TTLL10: variants seen among roughly 807,000 people sequenced by gnomAD.
The protein encoded by TTLL10 is inactive polyglycylase TTLL10.
A neutral mutation model predicts 69.0 loss-of-function variants in TTLL10; 61 were observed. The observed-to-expected ratio is 0.88, with a 90% confidence interval of 0.72 to 1.09. The LOEUF (loss-of-function observed/expected upper bound fraction) is 1.09, where lower values mean the gene tolerates loss of function less well. Ranked by LOEUF, TTLL10 falls within the 50% of genes least tolerant of loss-of-function variation. The probability of loss-of-function intolerance (pLI) is 0.00; values close to 1 mark genes in which losing one functional copy is unlikely to be tolerated. For synonymous variants in TTLL10, 408 were observed against 393.3 expected, an observed-to-expected ratio of 1.04 and a Z score of -0.44; for missense variants, 962 against 945.9, an observed-to-expected ratio of 1.02 and a Z score of -0.22.
chr1:1,177,285 C>CGT (rs771740834), intron 3 of TTLL10, among the ~76,000 whole-genome samples: 2 of 147,756 alleles, frequency 1.4e-5, no homozygotes, highest in African/African-American at 2.5e-5. Flanking sequence ...TGTGTCTGTG[C>CGT]GTGTGTGTGT....
chr1:1,175,918 C>G (rs1405540346), intron 3 of TTLL10: 1 of 419,394 alleles, frequency 2.4e-6, no homozygotes, highest in Non-Finnish European at 4.7e-6. Flanking sequence ...GCTGCTGCTC[C>G]CAGCCGCTGT....
At chr1:1,178,908 G>A (rs544892451) in intron 3 of TTLL10, among the ~76,000 whole-genome samples, 168 of 152,282 alleles carry the variant, frequency 1.1e-3, no homozygotes, top group Admixed American at 8.0e-3. Flanking sequence ...CCTTCCAGCC[G>A]GCACCCAGGC....
chr1:1,193,967 G>C lies in TTLL10; in HGVS notation c.1402-2633G>C, dbSNP rs181225639. Among the ~76,000 whole-genome samples, 635 of 150,202 alleles carry C rather than the reference G, an allele frequency of 4.2e-3. 7 individuals carry two copies. The highest frequency in any genetic ancestry group is 0.015 in the African/African-American group (597 of 40,088). On this transcript the variant is annotated intron_variant, in intron 13 of 15. Transcript: ENST00000379289. ...GAGGCCAGGCATTTGAAAGCAGCCT[G>C]GGCAACATAGTGAGACCCCATCTCT...
chr1:1,184,159 C>CTA, intron 12 of TTLL10, 68 bp downstream of exon 12: 1 of 1,595,088 alleles, frequency 6.3e-7, no homozygotes, highest in Non-Finnish European at 8.6e-7. Context: ...GTTCTCACTG[C>CTA]TAGGGGGTGC....
chr1:1,176,518 CCACCTCCA>C, intron 3 of TTLL10: 2 of 399,054 alleles, frequency 5.0e-6, no homozygotes, highest in Admixed American at 5.1e-5. Context: ...TCACCTTTTC[CCACCTCCA>C]CACCTTTTCC....
At chr1:1,179,161 G>A in intron 3 of TTLL10, 28 bp from the exon 4 acceptor site, 1 of 1,429,914 alleles carries the variant, frequency 7.0e-7, no homozygotes, top group Non-Finnish European at 9.4e-7. Flanking sequence ...GGTCCCACAG[G>A]AGGGTCAGAG....
intron 8 of TTLL10, 71 bp downstream of exon 8, chr1:1,180,931 A>ACCCGCCCCACCCCTGCCCCTGCG: frequency 1.6e-6 from 2 of 1,287,536 alleles, no homozygotes; most frequent in Non-Finnish European, 2.0e-6. Flanking sequence ...CTGCCCCTGC[A>ACCCGCCCCACCCCTGCCCCTGCG]CCCGCCCCAC....
intron 13 of TTLL10, 140 bp from the exon 14 acceptor site, chr1:1,196,460 C>T (rs764021314): frequency 1.1e-5 from 7 of 655,018 alleles, no homozygotes; most frequent in South Asian, 5.2e-5. Context: ...GCTGAGTGCA[C>T]GAACGTGTGG....
Position 1,197,829 on chromosome 1 carries a change from T to C in TTLL10, c.2004T>C (p.Pro668=), listed in dbSNP as rs1250907281. The C allele has an allele frequency of 6.7e-7, 1 of 1,500,710 alleles. No homozygotes were observed. Among genetic ancestry groups the C allele is most frequent in the East Asian group, 2.6e-5 (1 of 38,598 alleles). The allele number at this position is 1,500,710 out of a possible 1,614,324, so 93.0% of individuals were successfully genotyped here. A position where few individuals can be genotyped will look rare whatever the true frequency, so the allele number is the denominator to read the frequency against. The part of the protein sequence containing the change: ...PGTAKEEREE[P]ENARP ...CAGCCAAGGAGGAACGCGAGGAGCC[T>C]GAGAACGCGAGGCCCTAGGGGCAGC... is the stretch of plus-strand genomic sequence containing the variant. The change falls in exon 16 of 16, where the codon CCT becomes CCC. Residue 668 remains proline (P), a synonymous_variant. Coordinates refer to ENST00000379289, the MANE Select transcript of TTLL10 (RefSeq NM_001130045.2).
rs137938349 is a variant in TTLL10 at position 1,180,809 on chromosome 1, G to A, written c.704G>A (p.Arg235Gln). 2,316 of 1,601,012 alleles carry A rather than the reference G, an allele frequency of 1.4e-3. 25 individuals carry two copies. The African/African-American group carries it at 0.025, about 17-fold the overall frequency. Residue 235 changes from arginine to glutamine, a missense_variant, in exon 8 of 16, where the codon CGG (arginine) becomes CAG (glutamine). Physicochemically the swap from Arg to Gln is conservative, Grantham distance 43. Coordinates refer to ENST00000379289, the MANE Select transcript of TTLL10 (RefSeq NM_001130045.2). Reference sequence around the variant, plus strand: ...GGGCTGCTCAGCACCCTTCGGGGACGGGCACGGGCCATGAGCAAGGCCAGC... The same window carrying A: ...GGGCTGCTCAGCACCCTTCGGGGACAGGCACGGGCCATGAGCAAGGCCAGC... ...KIGLLSTLRG[R>Q]ARAMSKASKV...
chr1:1,185,439 C>T lies in TTLL10; in HGVS notation c.1401+330C>T. 8.9e-7 allele frequency: 1 copy of T among 1,127,016 alleles called. No individual in the cohort carries two copies. The highest frequency in any genetic ancestry group is 1.1e-6 in the Non-Finnish European group (1 of 920,162). 69.8% of individuals were successfully genotyped at this position (1,127,016 alleles called of 1,614,324 possible). A position where few individuals can be genotyped will look rare whatever the true frequency, so the allele number is the denominator to read the frequency against. On this transcript the variant is annotated intron_variant, in intron 13 of 15. Transcript: ENST00000379289. This position sits in a 1 kb window ranked among gnomAD's most constrained non-coding sequence, Gnocchi z 6.1. ...GAGTCTTTGTTCCTTTCAGATCCTC[C>T]ACTTGGCAGGCAGGGCCAACAGCAG... is the stretch of plus-strand genomic sequence containing the variant.
In TTLL10 at chr1:1,180,526, G is replaced by C. The variant is rs758281020; in HGVS notation, c.550G>C (p.Asp184His). Reference protein sequence around the residue: ...CKSKGWQRIHDSRRDDYTLKW... With the variant: ...CKSKGWQRIHHSRRDDYTLKW... The stretch of plus-strand genomic sequence containing the variant: ...AAGCAAGGGCTGGCAGCGCATCCAT[G>C]ACAGCCGCCGGGACGACTACACGCT... The change falls in exon 7 of 16, where the codon GAC becomes CAC. Residue 184 changes from aspartate (D) to histidine (H), a missense_variant. Asp to His is a moderately conservative substitution (Grantham distance 81, BLOSUM62 -1). Coordinates refer to ENST00000379289, the MANE Select transcript of TTLL10 (RefSeq NM_001130045.2). The C allele has an allele frequency of 1.5e-5, 23 of 1,552,888 alleles. No homozygotes were observed. In the South Asian group the frequency reaches 2.5e-4, roughly 17 times the overall value.
In TTLL10 at chr1:1,185,730, C is replaced by G; in HGVS notation, c.1401+621C>G. On this transcript the variant is annotated intron_variant, in intron 13 of 15. Coordinates refer to ENST00000379289, the MANE Select transcript of TTLL10 (RefSeq NM_001130045.2). This position sits in a 1 kb window ranked among gnomAD's most constrained non-coding sequence, Gnocchi z 6.1. ...CCGGAAGCAGCAGCCAGGGATGGTC[C>G]TTCCTCACCCACAGGCGTGTGTCAC... The G allele has an allele frequency of 1.0e-6, 1 of 985,530 alleles. No homozygotes were observed. The highest frequency in any genetic ancestry group is 1.2e-6 in the Non-Finnish European group (1 of 829,994). 61.0% of individuals were successfully genotyped at this position (985,530 alleles called of 1,614,324 possible).
At position 1,182,988 on chromosome 1, in the gene TTLL10, G is replaced by A. The variant is rs1647123339; in HGVS notation, c.1029G>A (p.Glu343=). Residue 343 remains glutamate, a synonymous_variant, in exon 11 of 16, where the codon GAG becomes GAA. Transcript: ENST00000379289. ...AALQAKTRSM[E]DDPIHHKTPF... is the part of the protein sequence containing the mutation. ...TGCAGGCCAAGACCCGGAGCATGGA[G>A]GACGACCCCATCCACCACAAGACGC... 6.2e-7 allele frequency: 1 copy of A among 1,609,794 alleles called. No individual in the cohort carries two copies. Among genetic ancestry groups the A allele is most frequent in the Non-Finnish European group, 8.5e-7 (1 of 1,178,588 alleles).
chr1:1,176,622 C>A (rs563491065), intron 3 of TTLL10, among the ~76,000 whole-genome samples: 62 of 152,304 alleles, frequency 4.1e-4, no homozygotes, highest in African/African-American at 1.4e-3. Context: ...CTGTGTGTCC[C>A]CAGGAAGGCT....
chr1:1,178,127 A>G (rs1394344161), intron 3 of TTLL10, among the ~76,000 whole-genome samples: 2 of 152,028 alleles, frequency 1.3e-5, no homozygotes, highest in South Asian at 2.1e-4. Flanking sequence ...CCTGCGGGTG[A>G]GATTGGTGCC....
At chr1:1,191,426 T>A (rs112531984) in intron 13 of TTLL10, among the ~76,000 whole-genome samples, 1,558 of 152,172 alleles carry the variant, frequency 0.01, 28 homozygotes, top group African/African-American at 0.033. Flanking sequence ...ACCCCATCTT[T>A]AAAAAAACAA....
In TTLL10 at chr1:1,185,387, C is replaced by T. The variant is rs993710139; in HGVS notation, c.1401+278C>T. ...CTCGCCGTAGGGTCAGGGGACAGCT[C>T]GGCTTCAGTGACAGCCACCATGTGA... On this transcript the variant is annotated intron_variant, in intron 13 of 15. Coordinates refer to ENST00000379289, the MANE Select transcript of TTLL10 (RefSeq NM_001130045.2). The surrounding 1 kb of genome is among the most constrained non-coding windows in gnomAD (Gnocchi z 6.1). 26 of 1,290,022 alleles carry T rather than the reference C, an allele frequency of 2.0e-5. No homozygotes were observed. The highest frequency in any genetic ancestry group is 6.6e-5 in the South Asian group (3 of 45,122). 79.9% of individuals were successfully genotyped at this position (1,290,022 alleles called of 1,614,324 possible).
At chr1:1,179,869 G>A in intron 5 of TTLL10, 132 bp downstream of exon 5, 1 of 1,441,094 alleles carries the variant, frequency 6.9e-7, no homozygotes, top group East Asian at 2.5e-5. Flanking sequence ...CAGTCCCCAG[G>A]CCGCCTGGTG....
Sources: gnomAD v4.1 joint callset for allele counts (sites outside exome capture counted in the v4.1 genomes callset) on GRCh38, gnomAD v4.1.1 for gene constraint, Gnocchi (gnomAD v3.1) non-coding constraint, MANE v1.5 for transcripts, NCBI Gene and HGNC (gene_info 2026-07-23, HGNC 2026-07-21) for gene names.